FBXO28: variants seen among roughly 807,000 people sequenced by gnomAD.
The protein encoded by FBXO28 is F-box only protein 28.
A neutral mutation model predicts 38.1 loss-of-function variants in FBXO28; 8 were observed. The ratio of observed to expected loss-of-function variants is 0.21; its 90% CI spans 0.12 to 0.38. The LOEUF is 0.38. Among genes scored for constraint, FBXO28 ranks in the 10% least tolerant of loss-of-function variants. FBXO28 has a pLI of 1.00. For synonymous variants in FBXO28, 168 were observed against 173.8 expected (o/e 0.97, Z 0.26); for missense variants, 345 against 460.6 (o/e 0.75, Z 2.30).
intron 3 of FBXO28, among the ~76,000 whole-genome samples, chr1:224,146,899 G>A (rs1309809824): frequency 1.3e-5 from 2 of 149,426 alleles, no homozygotes; most frequent in Non-Finnish European, 3.0e-5. Flanking sequence ...GTAGAGACAG[G>A]GTTTCACCAT....
At chr1:224,125,061 A>G (rs1383871414) in intron 1 of FBXO28, among the ~76,000 whole-genome samples, 2 of 152,084 alleles carry the variant, frequency 1.3e-5, no homozygotes, top group Non-Finnish European at 2.9e-5. Flanking sequence ...AAACTACCAC[A>G]TTAAATACTG....
intron 3 of FBXO28, among the ~76,000 whole-genome samples, chr1:224,145,277 G>A (rs1480196580): frequency 3.1e-5 from 3 of 97,794 alleles, no homozygotes; most frequent in Non-Finnish European, 5.5e-5. Context: ...CTGGGCAACA[G>A]AGCAAGACTA....
In FBXO28 at chr1:224,157,559, C is replaced by T; in HGVS notation, c.920C>T (p.Thr307Ile). ...CAGGACCAGAAACTGCTAGAGCAGA[C>T]CCAGATCATAGGTGAACAAAATGCA... ...QDQDQKLLEQ[T>I]QIIGEQNARL... Residue 307 changes from threonine (T) to isoleucine (I), a missense_variant, in exon 5 of 5, where the codon ACC (threonine) becomes ATC (isoleucine). By Grantham distance (89) the Thr-to-Ile change is moderately conservative (BLOSUM62 -1). Transcript: ENST00000366862. 1 of 1,614,218 alleles carries T rather than the reference C, an allele frequency of 6.2e-7. No homozygotes were observed. The highest frequency in any genetic ancestry group is 8.5e-7 in the Non-Finnish European group (1 of 1,180,054).
chr1:224,160,665 A>C lies in FBXO28; in HGVS notation c.*2919A>C, dbSNP rs1657885908. The stretch of plus-strand genomic sequence containing the variant: ...AATGTATTGAGAGTCATTATACTTT[A>C]AAATAGTTTTAAAGACTATTGGGGT... On this transcript the variant is annotated 3_prime_UTR_variant, in exon 5 of 5. Coordinates refer to ENST00000366862, the MANE Select transcript of FBXO28 (RefSeq NM_015176.4). 6.8e-6 allele frequency: 1 copy of C among 147,304 alleles called. No homozygotes were observed. The highest frequency in any genetic ancestry group is 2.1e-4 in the South Asian group (1 of 4,706). 9.1% of individuals were successfully genotyped at this position (147,304 alleles called of 1,614,324 possible).
intron 3 of FBXO28, among the ~76,000 whole-genome samples, chr1:224,144,448 G>A (rs541903118): frequency 9.3e-4 from 140 of 150,188 alleles, no homozygotes; most frequent in African/African-American, 3.0e-3. Context: ...GCAACAGGGC[G>A]AAGACCCTGT....
At chr1:224,129,248 G>T (rs1405622583) in intron 1 of FBXO28, among the ~76,000 whole-genome samples, 3 of 152,118 alleles carry the variant, frequency 2.0e-5, no homozygotes, top group African/African-American at 4.8e-5. Context: ...GCTGAGGCAG[G>T]AGAATCACTT....
Position 224,114,326 on chromosome 1 carries a change from C to A in FBXO28, c.197C>A (p.Ala66Glu). ...CTGCCTCAAAACAACACGCTTGTGG[C>A]GCTGCCCATCGTAGCCATCGAGAAC... ...DQLPQNNTLVALPIVAIENIL... is the reference protein window; with the variant it reads ...DQLPQNNTLVELPIVAIENIL... Residue 66 changes from alanine to glutamate, a missense_variant, in exon 1 of 5, where the codon GCG becomes GAG. Physicochemically the swap from Ala to Glu is moderately radical, Grantham distance 107. This residue lies in a region of FBXO28 where 56 missense variants were observed against 99.8 expected (regional missense o/e 0.56). Coordinates refer to ENST00000366862, the MANE Select transcript of FBXO28 (RefSeq NM_015176.4). 1 of 1,585,690 alleles carries A rather than the reference C, an allele frequency of 6.3e-7. No individual in the cohort carries two copies. Among genetic ancestry groups the A allele is most frequent in the Non-Finnish European group, 8.6e-7 (1 of 1,165,832 alleles).
At chr1:224,142,351 CA>C (rs35716896) in intron 3 of FBXO28, among the ~76,000 whole-genome samples, 295 of 131,780 alleles carry the variant, frequency 2.2e-3, no homozygotes, top group Non-Finnish European at 3.4e-3. Flanking sequence ...GACTCTGCCT[CA>C]AAAAAAAAAA....
At chr1:224,142,294 G>A (rs1275535444) in intron 3 of FBXO28, among the ~76,000 whole-genome samples, 1 of 150,344 alleles carries the variant, frequency 6.7e-6, no homozygotes, top group Non-Finnish European at 1.5e-5. Context: ...AGAGGTTGCA[G>A]TGAGCTGAGA....
At chr1:224,124,045 G>T (rs6426135) in intron 1 of FBXO28, among the ~76,000 whole-genome samples, 8 of 152,094 alleles carry the variant, frequency 5.3e-5, no homozygotes, top group Non-Finnish European at 8.8e-5. Flanking sequence ...GGGAGGCAAA[G>T]GTTGCAGTGA....
At chr1:224,139,233 A>G (rs974391141) in intron 3 of FBXO28, among the ~76,000 whole-genome samples, 1 of 151,872 alleles carries the variant, frequency 6.6e-6, no homozygotes, top group Non-Finnish European at 1.5e-5. Flanking sequence ...AAAAATCTAT[A>G]TATTAGGCAT....
At chr1:224,128,098 C>T (rs949097055) in intron 1 of FBXO28, among the ~76,000 whole-genome samples, 21 of 152,118 alleles carry the variant, frequency 1.4e-4, no homozygotes, top group African/African-American at 5.1e-4. Context: ...CCTGTGTTCT[C>T]AGGAGAAAAC....
At chr1:224,125,577 C>T (rs17560970) in intron 1 of FBXO28, among the ~76,000 whole-genome samples, 79,248 of 151,428 alleles carry the variant, frequency 0.52, 22,498 homozygotes, top group Non-Finnish European at 0.64. Flanking sequence ...GATGGGTGGT[C>T]TTTTCCTTTT....
At chr1:224,129,715 C>G (rs1007753970) in intron 1 of FBXO28, among the ~76,000 whole-genome samples, 1 of 151,894 alleles carries the variant, frequency 6.6e-6, no homozygotes, top group Admixed American at 6.6e-5. Context: ...TGAGGCTGGG[C>G]ACGGTGGCTC....
At chr1:224,117,659 C>A (rs2102607133) in intron 1 of FBXO28, among the ~76,000 whole-genome samples, 1 of 152,192 alleles carries the variant, frequency 6.6e-6, no homozygotes, top group South Asian at 2.1e-4. Context: ...TCACCCAGGC[C>A]CCCTTGGCAG....
chr1:224,152,356 C>T (rs1657667428), intron 3 of FBXO28, among the ~76,000 whole-genome samples: 1 of 152,106 alleles, frequency 6.6e-6, no homozygotes, highest in Non-Finnish European at 1.5e-5. Context: ...CAGGCTGAGT[C>T]CCTGCAGCTT....
chr1:224,153,311 C>A lies in FBXO28; in HGVS notation c.686C>A (p.Ser229Tyr). ...LKRKLPGSDV[S>Y]GRLMGSPPVP... Reference sequence around the variant, plus strand: ...AGGAAATTACCAGGATCAGATGTTTCTGGAAGACTCATGGGCTCTCCTCCA... The same window carrying A: ...AGGAAATTACCAGGATCAGATGTTTATGGAAGACTCATGGGCTCTCCTCCA... Residue 229 changes from serine (S) to tyrosine (Y), a missense_variant, in exon 4 of 5, where the codon TCT becomes TAT. Ser to Tyr is a moderately radical substitution (Grantham distance 144, BLOSUM62 -2). Coordinates refer to ENST00000366862, the MANE Select transcript of FBXO28 (RefSeq NM_015176.4). 1 of 1,603,108 alleles carries A rather than the reference C, an allele frequency of 6.2e-7. No individual in the cohort carries two copies. The highest frequency in any genetic ancestry group is 8.5e-7 in the Non-Finnish European group (1 of 1,175,784).
chr1:224,134,309 C>T, intron 3 of FBXO28, 97 bp downstream of exon 3: 1 of 1,221,090 alleles, frequency 8.2e-7, no homozygotes, highest in Non-Finnish European at 1.1e-6. Flanking sequence ...AGAATTGTTT[C>T]TACTTCTCTG....
chr1:224,139,987 C>T (rs1380522431), intron 3 of FBXO28, among the ~76,000 whole-genome samples: 2 of 151,868 alleles, frequency 1.3e-5, no homozygotes, highest in Non-Finnish European at 2.9e-5. Flanking sequence ...GCTCCTTGGG[C>T]GGCTGAGGTG....
Sources: gnomAD v4.1 joint callset for allele counts (sites outside exome capture counted in the v4.1 genomes callset) on GRCh38, gnomAD v4.1.1 for gene constraint, gnomAD v4.1.1 regional missense constraint, MANE v1.5 for transcripts, NCBI Gene and HGNC (gene_info 2026-07-23, HGNC 2026-07-21) for gene names.